Variants in DARS1 observed in about 807,000 individuals in gnomAD.
The protein encoded by DARS1 is aspartate--tRNA ligase, cytoplasmic.
DARS1 carries 51 observed loss-of-function variants against 68.8 expected under a neutral mutation model. The observed-to-expected ratio is 0.74, with a 90% confidence interval of 0.59 to 0.94. The LOEUF (loss-of-function observed/expected upper bound fraction) is 0.94. DARS1 is among the 40% of genes least tolerant of loss of function. The probability of loss-of-function intolerance (pLI) is 0.00; values close to 1 mark genes in which losing one functional copy is unlikely to be tolerated. For synonymous variants in DARS1, 203 were observed against 190.4 expected (o/e 1.07, Z -0.55); for missense variants, 607 against 597.3 (o/e 1.02, Z -0.17).
intron 4 of DARS1, among the ~76,000 whole-genome samples, chr2:135,946,764 A>C (rs1020380638): frequency 6.6e-6 from 1 of 152,152 alleles, no homozygotes; most frequent in African/African-American, 2.4e-5. Flanking sequence ...CGGGGGAAAA[A>C]GCAGTTTATC....
intron 4 of DARS1, among the ~76,000 whole-genome samples, chr2:135,949,658 T>C (rs1681801556): frequency 6.6e-6 from 1 of 152,330 alleles, no homozygotes; most frequent in Non-Finnish European, 1.5e-5. Flanking sequence ...ACTCATTCAA[T>C]TGCTTCATTT....
chr2:135,924,499 C>A lies in DARS1; in HGVS notation c.565-1G>T. On this transcript the variant is annotated splice_acceptor_variant, in intron 7 of 15. Coordinates refer to ENST00000264161, the MANE Select transcript of DARS1 (RefSeq NM_001349.4). LOFTEE classifies it high-confidence loss of function. ...GGAAGACTGCCTGACTAGTTGATGT[C>A]TAGAAGACAGTAATAAAATCTAATT... 6.2e-7 allele frequency: 1 copy of A among 1,601,550 alleles called. No homozygotes were observed. Among genetic ancestry groups the A allele is most frequent in the South Asian group, 1.1e-5 (1 of 88,128 alleles).
chr2:135,926,040 G>A (rs985751284), intron 7 of DARS1, among the ~76,000 whole-genome samples: 4 of 152,044 alleles, frequency 2.6e-5, no homozygotes, highest in East Asian at 3.9e-4. Flanking sequence ...ATAGGTGCCC[G>A]TCACCATGCC....
chr2:135,968,619 A>G (rs1481873409), intron 3 of DARS1, among the ~76,000 whole-genome samples: 1 of 151,272 alleles, frequency 6.6e-6, no homozygotes. Flanking sequence ...TCACCTCTTA[A>G]AGGCCTCACC....
intron 11 of DARS1, 122 bp downstream of exon 11, chr2:135,916,104 T>A (rs1680996194): frequency 4.1e-6 from 2 of 486,404 alleles, no homozygotes; most frequent in Admixed American, 3.4e-5. Context: ...CAAAGACAAC[T>A]TGGAGGACGG....
intron 3 of DARS1, among the ~76,000 whole-genome samples, chr2:135,968,567 C>T (rs1682289665): frequency 6.6e-6 from 1 of 151,792 alleles, no homozygotes; most frequent in African/African-American, 2.4e-5. Context: ...AATGCCACTC[C>T]TGTGATAATC....
intron 10 of DARS1, among the ~76,000 whole-genome samples, 182 bp from the exon 11 acceptor site, chr2:135,916,554 G>GT (rs1260875180): frequency 2.0e-5 from 3 of 151,954 alleles, no homozygotes; most frequent in African/African-American, 7.3e-5. Context: ...TTTCAATCTC[G>GT]TTTTTGTAAC....
chr2:135,945,095 C>A (rs1283967672), intron 4 of DARS1, among the ~76,000 whole-genome samples: 1 of 152,054 alleles, frequency 6.6e-6, no homozygotes, highest in African/African-American at 2.4e-5. Flanking sequence ...CATTATCAGA[C>A]AGTCTTCTTC....
At chr2:135,972,360 G>GA (rs1444735688) in intron 3 of DARS1, among the ~76,000 whole-genome samples, 2 of 152,130 alleles carry the variant, frequency 1.3e-5, no homozygotes, top group African/African-American at 4.8e-5. Context: ...ACGGTGCTGG[G>GA]AAAACTGGAT....
chr2:135,969,023 G>C (rs1001006756), intron 3 of DARS1, among the ~76,000 whole-genome samples: 1 of 151,982 alleles, frequency 6.6e-6, no homozygotes, highest in Non-Finnish European at 1.5e-5. Flanking sequence ...AGGATGTGGA[G>C]AAAGTGGTAC....
intron 3 of DARS1, among the ~76,000 whole-genome samples, chr2:135,976,065 T>C (rs1682491294): frequency 6.6e-6 from 1 of 152,230 alleles, no homozygotes; most frequent in Non-Finnish European, 1.5e-5. Context: ...TGGTTATTAC[T>C]TTTATAATCT....
intron 3 of DARS1, among the ~76,000 whole-genome samples, chr2:135,964,274 TG>T (rs1190967256): frequency 6.6e-6 from 1 of 152,288 alleles, no homozygotes. Context: ...TATAGGAAAT[TG>T]TTCTGTCCCT....
At chr2:135,949,720 AT>A (rs889542149) in intron 4 of DARS1, among the ~76,000 whole-genome samples, 2 of 152,224 alleles carry the variant, frequency 1.3e-5, no homozygotes, top group Non-Finnish European at 2.9e-5. Flanking sequence ...ATTGATTAAA[AT>A]AATGTGTGAA....
At position 135,907,232 on chromosome 2, in the gene DARS1, G is replaced by A. The variant is rs1007103895; in HGVS notation, c.*84C>T. On this transcript the variant is annotated 3_prime_UTR_variant, in exon 16 of 16. Coordinates refer to ENST00000264161, the MANE Select transcript of DARS1 (RefSeq NM_001349.4). ...ACTAGCAGGTTACTGAAAAGAATAA[G>A]TGTGGCTTTCTTTTTTTTTTTTTTT... The A allele has an allele frequency of 5.1e-6, 4 of 779,434 alleles. No individual in the cohort carries two copies. Among genetic ancestry groups the A allele is most frequent in the Non-Finnish European group, 7.6e-6 (4 of 522,920 alleles). The allele number at this position is 779,434 out of a possible 1,614,324, so 48.3% of individuals were successfully genotyped here.
intron 5 of DARS1, among the ~76,000 whole-genome samples, chr2:135,935,632 C>T (rs1347994290): frequency 6.6e-6 from 1 of 151,932 alleles, no homozygotes; most frequent in African/African-American, 2.4e-5. Flanking sequence ...ATAAAAATTC[C>T]ATCAATATTC....
chr2:135,943,245 CTAAT>C, intron 5 of DARS1, 129 bp downstream of exon 5: 1 of 1,265,070 alleles, frequency 7.9e-7, no homozygotes, highest in Non-Finnish European at 1.1e-6. Context: ...ATAACAAAAG[CTAAT>C]TGATTCAGTA....
chr2:135,938,440 T>A (rs4597591), intron 5 of DARS1, among the ~76,000 whole-genome samples: 3,432 of 152,316 alleles, frequency 0.023, 101 homozygotes, highest in African/African-American at 0.067. Context: ...TCAAACATCC[T>A]CCTTTAGCTC....
chr2:135,968,658 C>CA (rs1553447875), intron 3 of DARS1, among the ~76,000 whole-genome samples: 8 of 129,042 alleles, frequency 6.2e-5, no homozygotes, highest in African/African-American at 2.4e-4. Flanking sequence ...GGGGATTCAG[C>CA]TTTTTTTTTT....
intron 15 of DARS1, 139 bp from the exon 16 acceptor site, chr2:135,907,546 T>G: frequency 5.2e-6 from 3 of 578,582 alleles, no homozygotes; most frequent in Non-Finnish European, 8.8e-6. Context: ...TATTTTGGGT[T>G]TATTTAAAAC....
Sources: gnomAD v4.1 joint callset for allele counts (sites outside exome capture counted in the v4.1 genomes callset) on GRCh38, gnomAD v4.1.1 for gene constraint, MANE v1.5 for transcripts, NCBI Gene and HGNC (gene_info 2026-07-23, HGNC 2026-07-21) for gene names.